Variants in MTR observed in about 807,000 individuals in gnomAD.
MTR encodes methionine synthase.
Under a neutral mutation model 154.8 loss-of-function variants are expected in MTR, and 84 were observed. The ratio of observed to expected loss-of-function variants is 0.54; its 90% confidence interval spans 0.45 to 0.65. MTR has a LOEUF of 0.65. Among genes scored for constraint, MTR ranks in the 30% least tolerant of loss-of-function variants. The pLI is 0.00. For missense variants in MTR, 1,275 were observed against 1,570.2 expected (o/e 0.81, Z 3.18); for synonymous variants, 554 against 553.9 (o/e 1.00, Z 0.00).
chr1:236,799,197 C>T (rs1003611515), intron 1 of MTR, among the ~76,000 whole-genome samples: 9 of 152,050 alleles, frequency 5.9e-5, no homozygotes, highest in Admixed American at 2.6e-4. Flanking sequence ...TCACGGTTCA[C>T]TGCAGCCTCG....
At chr1:236,806,116 T>A in intron 2 of MTR, 28 bp from the exon 3 acceptor site, 6 of 1,589,822 alleles carry the variant, frequency 3.8e-6, no homozygotes, top group Non-Finnish European at 5.2e-6. Flanking sequence ...CTAAAGCTCA[T>A]AATTGACATT....
At chr1:236,867,889 G>A (rs562186955) in intron 22 of MTR, among the ~76,000 whole-genome samples, 29 of 152,132 alleles carry the variant, frequency 1.9e-4, no homozygotes, top group Non-Finnish European at 3.1e-4. Context: ...TGCTTCTTAC[G>A]GCTGAGCAAG....
At chr1:236,888,306 T>C (rs1666131559) in intron 27 of MTR, among the ~76,000 whole-genome samples, 1 of 152,130 alleles carries the variant, frequency 6.6e-6, no homozygotes. Context: ...GAGTCTGAGG[T>C]GCAGACCACA....
chr1:236,844,159 C>G (rs528309312), intron 15 of MTR, among the ~76,000 whole-genome samples: 1 of 152,138 alleles, frequency 6.6e-6, no homozygotes, highest in Admixed American at 6.5e-5. Context: ...AGAGAGTTCC[C>G]TTGGAAGCCA....
chr1:236,885,548 A>G (rs1350805151), intron 26 of MTR, among the ~76,000 whole-genome samples: 1 of 152,200 alleles, frequency 6.6e-6, no homozygotes, highest in African/African-American at 2.4e-5. Flanking sequence ...GAAACAGTGT[A>G]CTGAAATGAC....
chr1:236,816,588 C>G lies in MTR; in HGVS notation c.764+45C>G, dbSNP rs759717256. On this transcript the variant is annotated intron_variant, in intron 8 of 32. Coordinates refer to ENST00000366577, the MANE Select transcript of MTR (RefSeq NM_000254.3). The stretch of plus-strand genomic sequence containing the variant: ...GTAACTTCTTTTCTTTTTTGGGGAA[C>G]CTTTTCTGATGGCTGTGGAGTGTGA... 1.2e-5 allele frequency: 19 copies of G among 1,520,382 alleles called. No individual in the cohort carries two copies. In the South Asian group the frequency reaches 2.1e-4, roughly 17 times the overall value. The allele number at this position is 1,520,382 out of a possible 1,614,324, so 94.2% of individuals were successfully genotyped here. A position where few individuals can be genotyped will look rare whatever the true frequency, so the allele number is the denominator to read the frequency against.
At chr1:236,879,103 A>C (rs1297175356) in intron 24 of MTR, among the ~76,000 whole-genome samples, 1 of 152,226 alleles carries the variant, frequency 6.6e-6, no homozygotes, top group Admixed American at 6.5e-5. Context: ...TGCATATATT[A>C]CACCTATAAC....
intron 24 of MTR, 34 bp from the exon 25 acceptor site, chr1:236,880,721 A>T: frequency 1.3e-6 from 2 of 1,540,422 alleles, no homozygotes; most frequent in Non-Finnish European, 1.8e-6. Flanking sequence ...GTCAGTGCTG[A>T]TGGATATATT....
rs12094067 is a variant in MTR at position 236,862,637 on chromosome 1, C to G, written c.2304+294C>G. Among the ~76,000 whole-genome samples the G allele has an allele frequency of 0.046, 6,939 of 152,292 alleles. 488 individuals carry two copies. Among genetic ancestry groups the G allele is most frequent in the East Asian group, 0.2 (1,041 of 5,184 alleles). Reference sequence around the variant, plus strand: ...CTTCATTACCTGATCATTTACGAAGCTGCTGTGATGTGCCAAGTACTGTGC... The same window carrying G: ...CTTCATTACCTGATCATTTACGAAGGTGCTGTGATGTGCCAAGTACTGTGC... On this transcript the variant is annotated intron_variant, in intron 21 of 32. Transcript: ENST00000366577.
At chr1:236,830,194 T>TTA (rs1662532067) in intron 12 of MTR, among the ~76,000 whole-genome samples, 1 of 152,148 alleles carries the variant, frequency 6.6e-6, no homozygotes, top group Non-Finnish European at 1.5e-5. Context: ...TATTTTTTTT[T>TTA]TTAATACTCC....
chr1:236,889,317 AT>A lies in MTR; in HGVS notation c.2991del (p.Phe997LeufsTer6). The part of the protein sequence containing the change: ...KYPNRGFPKI[F>X]NDKTVGGEAR... ...ACCCGAATCGAGGCTTTCCCAAGAT[AT>A]TTAACGACAAAACAGTAGGTTAGTG... On this transcript the variant is annotated frameshift_variant, in exon 28 of 33. Transcript: ENST00000366577. LOFTEE classifies it high-confidence loss of function. 2 of 1,614,218 alleles carry A rather than the reference AT, an allele frequency of 1.2e-6. No individual in the cohort carries two copies. Among genetic ancestry groups the A allele is most frequent in the Non-Finnish European group, 1.7e-6 (2 of 1,180,038 alleles).
chr1:236,852,977 T>A lies in MTR; in HGVS notation c.1842T>A (p.Ala614=), dbSNP rs773476958. Residue 614 remains alanine, a synonymous_variant, in exon 18 of 33, where the codon GCT becomes GCA. Transcript: ENST00000366577. The part of the protein sequence containing the change: ...KSGMDMGIVN[A]GNLPVYDDIH... Reference sequence around the variant, plus strand: ...GCATGGACATGGGGATAGTGAATGCTGGAAACCTCCCTGTGTATGATGATA... The same window carrying A: ...GCATGGACATGGGGATAGTGAATGCAGGAAACCTCCCTGTGTATGATGATA... 4.3e-6 allele frequency: 7 copies of A among 1,613,968 alleles called. No individual in the cohort carries two copies. The African/African-American group carries it at 9.3e-5, about 22-fold the overall frequency.
rs781757911 is a variant in MTR at position 236,812,888 on chromosome 1, G to T, written c.609+44G>T. The T allele has an allele frequency of 1.2e-5, 18 of 1,440,302 alleles. No individual in the cohort carries two copies. The South Asian group carries it at 1.8e-4, about 15-fold the overall frequency. The allele number at this position is 1,440,302 out of a possible 1,614,324, so 89.2% of individuals were successfully genotyped here. On this transcript the variant is annotated intron_variant, in intron 6 of 32. Coordinates refer to ENST00000366577, the MANE Select transcript of MTR (RefSeq NM_000254.3). ...AACAGACAAGGCTGGGGTAAGGGCT[G>T]TGGGTGAGTCCCCTAATGTAGGGAG...
At position 236,795,326 on chromosome 1, in the gene MTR, TGC is replaced by T; in HGVS notation, c.-376_-375del. ...CGCGCTCTGAAAGGTTCTAAATGTC[TGC>T]GGGGCTCAGAGCCGGATGTCACGTC... On this transcript the variant is annotated 5_prime_UTR_variant, in exon 1 of 33. An upstream open reading frame in the 5' UTR gains an earlier in-frame stop. Coordinates refer to ENST00000366577, the MANE Select transcript of MTR (RefSeq NM_000254.3). 7.8e-7 allele frequency: 1 copy of T among 1,281,112 alleles called. No individual in the cohort carries two copies. Among genetic ancestry groups the T allele is most frequent in the Non-Finnish European group, 1.0e-6 (1 of 988,974 alleles). 79.4% of individuals were successfully genotyped at this position (1,281,112 alleles called of 1,614,324 possible). A position where few individuals can be genotyped will look rare whatever the true frequency, so the allele number is the denominator to read the frequency against.
intron 27 of MTR, 90 bp downstream of exon 27, chr1:236,886,457 A>G: frequency 8.2e-7 from 1 of 1,224,520 alleles, no homozygotes; most frequent in Non-Finnish European, 1.2e-6. Flanking sequence ...TGCAAAATCA[A>G]ACCAGCAGCT....
At chr1:236,840,632 C>T (rs754458729) in intron 15 of MTR, among the ~76,000 whole-genome samples, 13 of 152,190 alleles carry the variant, frequency 8.5e-5, no homozygotes, top group Non-Finnish European at 1.3e-4. Flanking sequence ...TTTGTATAAA[C>T]GAGATTATAC....
intron 10 of MTR, among the ~76,000 whole-genome samples, chr1:236,826,173 T>C (rs1558290006): frequency 6.6e-6 from 1 of 152,228 alleles, no homozygotes; most frequent in Non-Finnish European, 1.5e-5. Flanking sequence ...TCAATTAATG[T>C]AAATTTAAAA....
chr1:236,881,172 G>A (rs1665712597), intron 25 of MTR, among the ~76,000 whole-genome samples: 1 of 152,100 alleles, frequency 6.6e-6, no homozygotes, highest in African/African-American at 2.4e-5. Context: ...AAGGAATGTT[G>A]GATTTTTAAA....
chr1:236,859,787 G>T, intron 18 of MTR, 46 bp from the exon 19 acceptor site: 2 of 1,449,142 alleles, frequency 1.4e-6, no homozygotes, highest in South Asian at 1.1e-5. Context: ...AAACAGTTTG[G>T]TTAGTGATGA....
Sources: allele counts gnomAD v4.1 joint callset (sites outside exome capture counted in the v4.1 genomes callset), GRCh38; gene constraint gnomAD v4.1.1; transcripts MANE v1.5; gene names NCBI Gene and HGNC (gene_info 2026-07-23, HGNC 2026-07-21).